The following OR51B5 variants were observed in gnomAD, a reference collection of about 807,000 sequenced individuals.
OR51B5 encodes olfactory receptor family 51 subfamily B member 5, also known as olfactory receptor 51B5.
For missense variants in OR51B5, 456 were observed against 374.6 expected (o/e 1.22, Z -1.79); for synonymous variants, 186 against 144.8 (o/e 1.28, Z -2.04).
intron 1 of OR51B5, chr11:5,454,405 T>C (rs748066175): frequency 6.2e-7 from 1 of 1,606,084 alleles, no homozygotes; most frequent in Non-Finnish European, 8.5e-7. Context: ...ATTTTCCGCA[T>C]GTTTCACCAC....
At chr11:5,409,599 T>A (rs539147944) in intron 1 of OR51B5, among the ~76,000 whole-genome samples, 2 of 151,628 alleles carry the variant, frequency 1.3e-5, no homozygotes, top group Admixed American at 1.3e-4. Flanking sequence ...TCAATAGAAA[T>A]AGCCAAATGA....
intron 1 of OR51B5, among the ~76,000 whole-genome samples, chr11:5,364,066 C>T (rs1198972893): frequency 6.6e-6 from 1 of 152,134 alleles, no homozygotes; most frequent in Non-Finnish European, 1.5e-5. Context: ...CAGGTACTAT[C>T]TCATTCTCCA....
intron 1 of OR51B5, among the ~76,000 whole-genome samples, chr11:5,405,531 T>A (rs1446894129): frequency 2.0e-4 from 1 of 4,912 alleles, no homozygotes; most frequent in Non-Finnish European, 1.2e-3. Flanking sequence ...AGAAAGAACT[T>A]TTTTTTTTTT....
chr11:5,342,135 A>G (rs1564911358), downstream of OR51B5, among the ~76,000 whole-genome samples: 3 of 152,180 alleles, frequency 2.0e-5, no homozygotes, highest in African/African-American at 7.2e-5. Flanking sequence ...ATAGGTTCCC[A>G]TTGTTTGTAT....
At chr11:5,374,063 C>G (rs1356407510) in intron 1 of OR51B5, among the ~76,000 whole-genome samples, 1 of 152,186 alleles carries the variant, frequency 6.6e-6, no homozygotes, top group Non-Finnish European at 1.5e-5. Context: ...CCCGAGCAGC[C>G]TAACTGGGAG....
chr11:5,427,834 A>G (rs1471961799), intron 1 of OR51B5, among the ~76,000 whole-genome samples: 1 of 152,208 alleles, frequency 6.6e-6, no homozygotes, highest in Non-Finnish European at 1.5e-5. Flanking sequence ...ATTTTTAAAC[A>G]TCAAATTTAA....
In OR51B5 at chr11:5,379,432, C is replaced by T. The variant is rs543562534; in HGVS notation, n.85-32522G>A. On this transcript the variant is annotated intron_variant and non_coding_transcript_variant, in intron 1 of 4. Coordinates refer to the OR51B5 transcript ENST00000415970. ...ATATGTAACTAACCGGCACATTATG[C>T]ACATGTACCCTAAATCTTAAAGTAT... Among the ~76,000 whole-genome samples, 270 of 151,640 alleles carry T rather than the reference C, an allele frequency of 1.8e-3. 2 individuals carry two copies. The highest frequency in any genetic ancestry group is 3.2e-3 in the Non-Finnish European group (216 of 67,918).
intron 1 of OR51B5, chr11:5,389,350 GAATT>G: frequency 1.3e-6 from 2 of 1,563,522 alleles, no homozygotes; most frequent in Non-Finnish European, 1.7e-6. Context: ...TGAAGCTGAA[GAATT>G]AATAACCAGA....
rs572844948 is a variant in OR51B5, at chr11:5,461,276, C to T, written n.84+44293G>A. Among the ~76,000 whole-genome samples, 8 of 152,198 alleles carry T rather than the reference C, an allele frequency of 5.3e-5. No individual in the cohort carries two copies. The South Asian group carries it at 1.2e-3, about 24-fold the overall frequency. ...CAGGCCAGGGGGTGGAGGCGAGGCG[C>T]GCCGGCGGGGAAGGCTGCAGGCAGG... On this transcript the variant is annotated intron_variant and non_coding_transcript_variant, in intron 1 of 4. Transcript: ENST00000415970.
At chr11:5,488,787 C>G in intron 1 of OR51B5, 2 of 1,614,040 alleles carry the variant, frequency 1.2e-6, no homozygotes, top group Non-Finnish European at 1.7e-6. Flanking sequence ...AGGCTGCCCA[C>G]TTCTGGATTG....
At chr11:5,422,544 CTGTCCTCCTGGCTA>C in intron 1 of OR51B5, 3 of 1,614,144 alleles carry the variant, frequency 1.9e-6, no homozygotes, top group Non-Finnish European at 2.5e-6. Flanking sequence ...ATGGAGTCTT[CTGTCCTCCTGGCTA>C]TGTCCGTTGA....
At chr11:5,343,730 A>G, upstream of OR51B5, 1 of 442,926 alleles carries the variant, frequency 2.3e-6, no homozygotes, top group Non-Finnish European at 4.0e-6. Flanking sequence ...TCCAGGATCT[A>G]TCTCCTACCT....
At chr11:5,462,982 T>G (rs987692596) in intron 1 of OR51B5, among the ~76,000 whole-genome samples, 5 of 152,206 alleles carry the variant, frequency 3.3e-5, no homozygotes, top group Admixed American at 3.3e-4. Context: ...CTGCAGGGAA[T>G]AGGAGGACTA....
At chr11:5,456,289 C>T (rs1021657420) in intron 1 of OR51B5, 2 of 152,094 alleles carry the variant, frequency 1.3e-5, no homozygotes, top group Non-Finnish European at 2.9e-5. Context: ...TTTCACCTTC[C>T]TTTTTTCAGC....
At chr11:5,464,656 T>C (rs1375750515) in intron 1 of OR51B5, among the ~76,000 whole-genome samples, 1 of 152,102 alleles carries the variant, frequency 6.6e-6, no homozygotes, top group Non-Finnish European at 1.5e-5. Context: ...ATGGTGTATA[T>C]GTGCCACATT....
intron 1 of OR51B5, chr11:5,352,379 G>A: frequency 6.2e-7 from 1 of 1,613,468 alleles, no homozygotes; most frequent in South Asian, 1.1e-5. Flanking sequence ...TTTATCTATA[G>A]CATTAAAACT....
chr11:5,415,671 T>C (rs1277045757), intron 1 of OR51B5, among the ~76,000 whole-genome samples: 1 of 151,762 alleles, frequency 6.6e-6, no homozygotes, highest in African/African-American at 2.4e-5. Context: ...AACTAGAAAA[T>C]CTAGAAGAAA....
Position 5,458,782 on chromosome 11 carries a change from C to T in OR51B5, n.84+46787G>A, listed in dbSNP as rs1248637284. Among the ~76,000 whole-genome samples, 6 of 152,092 alleles carry T rather than the reference C, an allele frequency of 3.9e-5. No individual in the cohort carries two copies. The South Asian group carries it at 1.2e-3, about 31-fold the overall frequency. The stretch of plus-strand genomic sequence containing the variant: ...TGGATGTTATTGATATGTAGAAATG[C>T]TACTGATTTTTGTATATCAATTTGT... On this transcript the variant is annotated intron_variant and non_coding_transcript_variant, in intron 1 of 4. Coordinates refer to the OR51B5 transcript ENST00000415970.
chr11:5,443,214 T>A (rs1850716543), intron 1 of OR51B5, among the ~76,000 whole-genome samples: 1 of 152,160 alleles, frequency 6.6e-6, no homozygotes, highest in Non-Finnish European at 1.5e-5. Flanking sequence ...TTTTTCTCAT[T>A]TTAGAGTTCC....
Sources: allele counts gnomAD v4.1 joint callset (sites outside exome capture counted in the v4.1 genomes callset), GRCh38; gene constraint gnomAD v4.1.1; transcripts MANE v1.5; gene names NCBI Gene and HGNC (gene_info 2026-07-23, HGNC 2026-07-21).